GUCY2F: variants seen among roughly 807,000 people sequenced by gnomAD.
The protein encoded by GUCY2F is retinal guanylyl cyclase 2.
A neutral mutation model predicts 73.1 loss-of-function variants in GUCY2F; 61 were observed. The ratio of observed to expected loss-of-function variants is 0.83; its 90% confidence interval spans 0.68 to 1.03. GUCY2F has a LOEUF of 1.03. Ranked by LOEUF, GUCY2F falls within the 50% of genes least tolerant of loss-of-function variation. GUCY2F has a pLI of 0.00. For synonymous variants in GUCY2F, 331 were observed against 307.8 expected, an observed-to-expected ratio of 1.08 and a Z score of -0.79; for missense variants, 912 against 854.3, an observed-to-expected ratio of 1.07 and a Z score of -0.84.
intron 16 of GUCY2F, among the ~76,000 whole-genome samples, chrX:109,383,142 C>T (rs145176074): frequency 2.7e-5 from 3 of 111,780 alleles, no homozygotes; most frequent in Non-Finnish European, 3.8e-5. Flanking sequence ...CTTGATAGCT[C>T]AGTACTGTTG....
chrX:109,465,940 A>G (rs1210691200), intron 2 of GUCY2F, among the ~76,000 whole-genome samples: 1 of 112,050 alleles, frequency 8.9e-6, no homozygotes, highest in Non-Finnish European at 1.9e-5. Flanking sequence ...TAAGAATTAG[A>G]AGAGAGAATA....
At chrX:109,472,032 A>G (rs1246249495) in intron 2 of GUCY2F, among the ~76,000 whole-genome samples, 1 of 111,838 alleles carries the variant, frequency 8.9e-6, no homozygotes, top group African/African-American at 3.3e-5. Context: ...TATTAAATCT[A>G]TCATTGCATT....
intron 5 of GUCY2F, among the ~76,000 whole-genome samples, chrX:109,449,944 AG>A (rs1031657265): frequency 9.0e-6 from 1 of 110,768 alleles, no homozygotes. Context: ...CATACAGAAA[AG>A]GAAGGAACAG....
intron 7 of GUCY2F, among the ~76,000 whole-genome samples, chrX:109,435,769 A>G (rs1339681732): frequency 9.0e-6 from 1 of 111,684 alleles, no homozygotes; most frequent in East Asian, 2.8e-4. Flanking sequence ...TGGGTTTGTC[A>G]TAGATAGCTC....
intron 3 of GUCY2F, 114 bp downstream of exon 3, chrX:109,465,028 G>T (rs1419307103): frequency 1.2e-5 from 6 of 511,988 alleles, no homozygotes; most frequent in Non-Finnish European, 1.3e-5. Flanking sequence ...TTTGTCTGTG[G>T]TTGCCTGCCA....
intron 2 of GUCY2F, among the ~76,000 whole-genome samples, chrX:109,468,962 T>A (rs1932523310): frequency 8.9e-6 from 1 of 112,289 alleles, no homozygotes; most frequent in Non-Finnish European, 1.9e-5. Flanking sequence ...GGATTTGACC[T>A]GTAAGTTGTT....
At chrX:109,449,290 A>T (rs1932088826) in intron 5 of GUCY2F, among the ~76,000 whole-genome samples, 1 of 112,192 alleles carries the variant, frequency 8.9e-6, no homozygotes, top group Admixed American at 9.4e-5. Flanking sequence ...CAAACAATTA[A>T]CGTGTTTCTA....
chrX:109,444,713 G>C (rs1931958983), intron 6 of GUCY2F, among the ~76,000 whole-genome samples: 1 of 111,566 alleles, frequency 9.0e-6, no homozygotes, highest in African/African-American at 3.3e-5. Context: ...AATATAGAGT[G>C]GTGGGAATTG....
At position 109,465,458 on chromosome X, in the gene GUCY2F, G is replaced by A. The variant is rs763931436; in HGVS notation, c.731-15C>T. ...CATGATGATTACTGAAACCAACAAA[G>A]CAAGGAGGTTATGGAAGCAAACTGT... On this transcript the variant is annotated splice_polypyrimidine_tract_variant and intron_variant, in intron 2 of 19. Coordinates refer to ENST00000218006, the MANE Select transcript of GUCY2F (RefSeq NM_001522.3). 1 of 1,157,629 alleles carries A rather than the reference G, an allele frequency of 8.6e-7. No homozygotes were observed. Among genetic ancestry groups the A allele is most frequent in the Non-Finnish European group, 1.2e-6 (1 of 855,018 alleles).
chrX:109,466,697 T>C (rs772249210), intron 2 of GUCY2F, among the ~76,000 whole-genome samples: 1 of 112,053 alleles, frequency 8.9e-6, no homozygotes, highest in African/African-American at 3.2e-5. Context: ...TCTGAGCTCC[T>C]TGAAGAAAGG....
chrX:109,427,697 A>G (rs1301139059), intron 8 of GUCY2F, among the ~76,000 whole-genome samples: 4 of 112,341 alleles, frequency 3.6e-5, no homozygotes, highest in Non-Finnish European at 7.5e-5. Flanking sequence ...ACTAAAAAGC[A>G]TTAAAGCACA....
At chrX:109,394,577 C>T (rs762977175) in intron 12 of GUCY2F, among the ~76,000 whole-genome samples, 75 of 112,324 alleles carry the variant, frequency 6.7e-4, no homozygotes, top group Non-Finnish European at 1.3e-3. Flanking sequence ...AGAGCTGACA[C>T]AGCACTCATG....
At chrX:109,408,300 GC>G (rs769593157) in intron 9 of GUCY2F, among the ~76,000 whole-genome samples, 22 of 112,236 alleles carry the variant, frequency 2.0e-4, no homozygotes, top group African/African-American at 7.1e-4. Flanking sequence ...ATTTAGAACA[GC>G]TGTATTTACC....
Position 109,453,505 on chromosome X carries a change from C to T in GUCY2F, c.1387G>A (p.Gly463Ser). ...CTACTAGTGATTTTGCATTCCTTACCTCCATGGCAGATCTTCCCTTCTGCA... is the reference window on the plus strand; with the variant it reads ...CTACTAGTGATTTTGCATTCCTTACTTCCATGGCAGATCTTCCCTTCTGCA... The part of the protein sequence containing the change: ...WFAEGKICHG[G>S]IDPAFAMMVC... The change falls in exon 4 of 20, where the codon GGC becomes AGC. Residue 463 changes from glycine (G) to serine (S), a missense_variant and splice_region_variant. Transcript: ENST00000218006. The T allele has an allele frequency of 1.7e-6, 2 of 1,177,615 alleles. No homozygotes were observed. The highest frequency in any genetic ancestry group is 3.7e-5 in the South Asian group (2 of 54,635).
chrX:109,376,788 G>C (rs1285198551), intron 17 of GUCY2F, among the ~76,000 whole-genome samples: 1 of 111,543 alleles, frequency 9.0e-6, no homozygotes, highest in African/African-American at 3.3e-5. Flanking sequence ...AGTCACCCCA[G>C]GGCCTGAGTG....
intron 6 of GUCY2F, 135 bp from the exon 7 acceptor site, chrX:109,441,617 T>G: frequency 2.4e-6 from 1 of 414,494 alleles, no homozygotes; most frequent in Non-Finnish European, 3.9e-6. Context: ...ATTGATTCAT[T>G]TTCCCTATCC....
At chrX:109,443,528 C>A (rs763501468) in intron 6 of GUCY2F, among the ~76,000 whole-genome samples, 15 of 110,951 alleles carry the variant, frequency 1.4e-4, no homozygotes, top group Admixed American at 6.7e-4. Context: ...ACTTTGTTTA[C>A]CTGAAGGTAG....
intron 8 of GUCY2F, among the ~76,000 whole-genome samples, chrX:109,421,135 C>A (rs1055422476): frequency 9.0e-6 from 1 of 111,515 alleles, no homozygotes; most frequent in Non-Finnish European, 1.9e-5. Context: ...GAAATTGGAA[C>A]ACTTGTGCAC....
rs148944901 is a variant in GUCY2F, at chrX:109,475,223, C to T, written c.714G>A (p.Gln238=). Residue 238 remains glutamine, a synonymous_variant, in exon 2 of 20, where the codon CAG becomes CAA. Transcript: ENST00000218006. ...AGCACTCACTGCGAATTCTGTCTGCCTGGTGAATCCTCTGGAGGGCTTTCC... is the reference window on the plus strand; with the variant it reads ...AGCACTCACTGCGAATTCTGTCTGCTTGGTGAATCCTCTGGAGGGCTTTCC... The part of the protein sequence containing the change: ...SMRKALQRIH[Q]ADRIRIIIMC... The T allele has an allele frequency of 2.5e-6, 3 of 1,199,108 alleles. No homozygotes were observed. The African/African-American group carries it at 5.3e-5, about 21-fold the overall frequency.
Sources: gnomAD v4.1 joint callset for allele counts (sites outside exome capture counted in the v4.1 genomes callset) on GRCh38, gnomAD v4.1.1 for gene constraint, MANE v1.5 for transcripts, NCBI Gene and HGNC (gene_info 2026-07-23, HGNC 2026-07-21) for gene names.